Variants in GPHN observed in about 807,000 individuals in gnomAD.
The protein encoded by GPHN is gephyrin.
In GPHN, 17 loss-of-function variants were observed where a neutral mutation model predicts 95.5. That is an observed-to-expected ratio of 0.18 (90% CI 0.12 to 0.27). GPHN has a LOEUF of 0.27. Among genes scored for constraint, GPHN ranks in the 10% least tolerant of loss-of-function variants. GPHN has a pLI of 1.00. For missense variants in GPHN, 660 were observed against 978.1 expected (o/e 0.67, Z 4.34); for synonymous variants, 320 against 322.5 (o/e 0.99, Z 0.08).
intron 1 of GPHN, among the ~76,000 whole-genome samples, chr14:66,593,025 A>G (rs982651390): frequency 6.6e-6 from 1 of 152,208 alleles, no homozygotes; most frequent in African/African-American, 2.4e-5. Flanking sequence ...GGAAACTATC[A>G]TTCTCAGATA....
chr14:66,546,781 AC>A (rs2059617588), intron 1 of GPHN, among the ~76,000 whole-genome samples: 1 of 105,112 alleles, frequency 9.5e-6, no homozygotes, highest in Non-Finnish European at 1.8e-5. Context: ...GGAGAGGGAG[AC>A]CGTGGGGAGA....
chr14:67,039,644 A>G (rs2153635370), intron 10 of GPHN, among the ~76,000 whole-genome samples: 1 of 152,254 alleles, frequency 6.6e-6, no homozygotes, highest in East Asian at 1.9e-4. Context: ...AAATTAAAAA[A>G]TTAGTTGGAT....
intron 1 of GPHN, among the ~76,000 whole-genome samples, chr14:66,605,691 G>A (rs1357071415): frequency 2.6e-5 from 4 of 151,728 alleles, no homozygotes; most frequent in East Asian, 1.9e-4. Context: ...CACCAAGCCC[G>A]GCTAATTTTT....
intron 17 of GPHN, 108 bp downstream of exon 17, chr14:67,122,485 T>C (rs1595242648): frequency 2.2e-6 from 2 of 926,618 alleles, no homozygotes; most frequent in East Asian, 5.2e-5. Flanking sequence ...AATGTCATAA[T>C]TTTCACTTAT....
the GPHN span, among the ~76,000 whole-genome samples, chr14:67,565,800 A>C: frequency 6.6e-6 from 1 of 152,144 alleles, no homozygotes; most frequent in Admixed American, 6.5e-5. Context: ...TATTTCCAGC[A>C]GTAACTCCCA....
At chr14:66,867,424 G>A (rs948755444) in intron 4 of GPHN, among the ~76,000 whole-genome samples, 21 of 152,044 alleles carry the variant, frequency 1.4e-4, no homozygotes, top group African/African-American at 2.7e-4. Flanking sequence ...TCTTACTTCC[G>A]TTCTGCTCTG....
intron 17 of GPHN, among the ~76,000 whole-genome samples, chr14:67,140,488 G>A (rs1246352643): frequency 6.6e-6 from 1 of 152,036 alleles, no homozygotes; most frequent in Non-Finnish European, 1.5e-5. Context: ...ATACCATGAT[G>A]GTGTGCATCT....
chr14:67,619,454 T>G, the GPHN span, among the ~76,000 whole-genome samples: 1 of 152,236 alleles, frequency 6.6e-6, no homozygotes, highest in Non-Finnish European at 1.5e-5. Context: ...GAGTGTTTCC[T>G]GGGCTTTGAG....
the GPHN span, among the ~76,000 whole-genome samples, chr14:67,368,396 C>T: frequency 6.6e-6 from 1 of 152,180 alleles, no homozygotes; most frequent in Non-Finnish European, 1.5e-5. Flanking sequence ...CCTTTGCTGA[C>T]TCCTCCCCAC....
chr14:66,924,428 G>A (rs2153562311), intron 8 of GPHN, 136 bp downstream of exon 8: 2 of 696,996 alleles, frequency 2.9e-6, no homozygotes. Flanking sequence ...TTGTGAAAGT[G>A]TGAGTGCCAT....
chr14:66,928,124 T>C lies in GPHN; in HGVS notation c.828+3832T>C, dbSNP rs147646404. On this transcript the variant is annotated intron_variant, in intron 8 of 22. Transcript: ENST00000478722. ...TGAGTAGGATTGGTATCGGTTCTTC[T>C]TTAAATATTTTGTAGACTTCAGCAG... 5.9e-4 allele frequency among the ~76,000 whole-genome samples: 90 copies of C among 152,320 alleles called. 1 individual carries two copies. In the East Asian group the frequency reaches 0.016, roughly 27 times the overall value.
chr14:66,566,123 A>G (rs1253358230), intron 1 of GPHN, among the ~76,000 whole-genome samples: 3 of 152,062 alleles, frequency 2.0e-5, no homozygotes, highest in Non-Finnish European at 4.4e-5. Flanking sequence ...ATTTTTCAAA[A>G]AGTCTACTTC....
chr14:67,225,969 G>A, the GPHN span, among the ~76,000 whole-genome samples: 6 of 147,146 alleles, frequency 4.1e-5, no homozygotes, highest in Admixed American at 2.0e-4. Context: ...GTGTGCGCGC[G>A]CGCGCGTGCG....
At chr14:67,485,813 G>C in the GPHN span, among the ~76,000 whole-genome samples, 3 of 152,222 alleles carry the variant, frequency 2.0e-5, no homozygotes, top group Non-Finnish European at 4.4e-5. Context: ...ACCCTACCTC[G>C]AGCTTGTCTC....
chr14:67,360,151 A>C, the GPHN span: 7 of 410,378 alleles, frequency 1.7e-5, no homozygotes, highest in African/African-American at 1.2e-4. Context: ...TCGGAGTCCT[A>C]TGTCTTTCTC....
At chr14:66,864,890 T>A (rs1228783540) in intron 4 of GPHN, among the ~76,000 whole-genome samples, 1 of 151,558 alleles carries the variant, frequency 6.6e-6, no homozygotes, top group African/African-American at 2.4e-5. Flanking sequence ...AGCAGATGAA[T>A]GGATAAAGAA....
chr14:66,743,803 A>G (rs186337751), intron 2 of GPHN, among the ~76,000 whole-genome samples: 1 of 152,280 alleles, frequency 6.6e-6, no homozygotes, highest in Non-Finnish European at 1.5e-5. Flanking sequence ...ACCAAGTCTT[A>G]TTTCCTTTAT....
chr14:67,607,810 A>G, the GPHN span, among the ~76,000 whole-genome samples: 1 of 152,372 alleles, frequency 6.6e-6, no homozygotes, highest in African/African-American at 2.4e-5. Context: ...CTTTAATAGA[A>G]GAAAATGTTA....
intron 10 of GPHN, among the ~76,000 whole-genome samples, chr14:67,048,764 G>T (rs957812148): frequency 6.6e-5 from 10 of 152,134 alleles, no homozygotes; most frequent in African/African-American, 2.4e-4. Context: ...AAATTAAAGT[G>T]AGTATTCTCT....
Sources: allele counts gnomAD v4.1 joint callset (sites outside exome capture counted in the v4.1 genomes callset), GRCh38; gene constraint gnomAD v4.1.1; transcripts MANE v1.5; gene names NCBI Gene and HGNC (gene_info 2026-07-23, HGNC 2026-07-21).